MUC5AC: variants seen among roughly 807,000 people sequenced by gnomAD.
The protein encoded by MUC5AC is mucin 5AC, oligomeric mucus/gel-forming.
MUC5AC carries 158 observed loss-of-function variants against 169.7 expected under a neutral mutation model. The ratio of observed to expected loss-of-function variants is 0.93; its 90% CI spans 0.82 to 1.06. The LOEUF (loss-of-function observed/expected upper bound fraction) is 1.06. MUC5AC is among the 50% of genes least tolerant of loss of function. The pLI, the probability that MUC5AC is intolerant of heterozygous loss-of-function variation, is 0.00. For missense variants in MUC5AC, 4,359 were observed against 3,089.9 expected (o/e 1.41, Z -9.74); for synonymous variants, 1,975 against 1,237.0 (o/e 1.60, Z -12.52).
At position 1,190,918 on chromosome 11, in the gene MUC5AC, G is replaced by T; in HGVS notation, c.12773G>T (p.Ser4258Ile). 1.4e-6 allele frequency: 1 copy of T among 733,084 alleles called. No homozygotes were observed. The highest frequency in any genetic ancestry group is 2.5e-6 in the Non-Finnish European group (1 of 404,312). The allele number at this position is 733,084 out of a possible 1,614,324, so 45.4% of individuals were successfully genotyped here. The change falls in exon 31 of 49, where the codon AGC becomes ATC. Residue 4258 changes from serine to isoleucine, a missense_variant. Ser to Ile is a moderately radical substitution (Grantham distance 142, BLOSUM62 -2). Coordinates refer to ENST00000621226, the MANE Select transcript of MUC5AC (RefSeq NM_001304359.2). ...STTSGPGTTP[S>I]PVPSTSTTSA... ...ACCTCTGGTCCTGGAACTACTCCAA[G>T]CCCTGTTCCCAGCACCAGTACAACC...
chr11:1,189,644 A>G lies in MUC5AC; in HGVS notation c.11499A>G (p.Ser3833=), dbSNP rs1386381161. ...TTSSPTTSTT[S]APTTSTTSAP... is the part of the protein sequence containing the mutation. ...CTTCCCCTACAACTAGCACAACCTC[A>G]GCTCCTACAACCAGCACAACTTCTG... is the stretch of plus-strand genomic sequence containing the variant. Residue 3833 remains serine, a synonymous_variant, in exon 31 of 49, where the codon TCA becomes TCG. Coordinates refer to ENST00000621226, the MANE Select transcript of MUC5AC (RefSeq NM_001304359.2). The G allele has an allele frequency of 3.5e-6, 2 of 568,986 alleles. No individual in the cohort carries two copies. The highest frequency in any genetic ancestry group is 6.1e-6 in the Non-Finnish European group (2 of 327,982). The allele number at this position is 568,986 out of a possible 1,614,324, so 35.2% of individuals were successfully genotyped here.
rs1321706678 is a variant in MUC5AC at position 1,180,164 on chromosome 11, G to A, written c.3613+14G>A. ...GGGGCCTGGAAGGTGGGCTGGGGCC[G>A]GTCGGAGGGTGGCCTGGGCTCCGCC... On this transcript the variant is annotated intron_variant, in intron 27 of 48. Coordinates refer to ENST00000621226, the MANE Select transcript of MUC5AC (RefSeq NM_001304359.2). The A allele has an allele frequency of 5.3e-5, 13 of 243,872 alleles. No individual in the cohort carries two copies. In the African/African-American group the frequency reaches 9.8e-4, roughly 18 times the overall value. 15.1% of individuals were successfully genotyped at this position (243,872 alleles called of 1,614,324 possible). A position where few individuals can be genotyped will look rare whatever the true frequency, so the allele number is the denominator to read the frequency against.
chr11:1,162,177 G>C lies in MUC5AC; in HGVS notation c.473+9G>C. On this transcript the variant is annotated intron_variant, in intron 4 of 48. Transcript: ENST00000621226. ...CTGGTCAACGGCCACCCGTGAGTCT[G>C]GGTTCTGGGATGGTGGGGGCCACGC... 1 of 1,607,636 alleles carries C rather than the reference G, an allele frequency of 6.2e-7. No individual in the cohort carries two copies. Among genetic ancestry groups the C allele is most frequent in the South Asian group, 1.1e-5 (1 of 90,962 alleles).
At chr11:1,193,436 C>T in intron 32 of MUC5AC, 49 bp from the exon 33 acceptor site, 1 of 679,566 alleles carries the variant, frequency 1.5e-6, no homozygotes, top group South Asian at 1.5e-5. Context: ...CAAGGGGTGC[C>T]CCGGAGATCG....
At chr11:1,160,074 C>A (rs1453987434) in intron 1 of MUC5AC, among the ~76,000 whole-genome samples, 1 of 151,958 alleles carries the variant, frequency 6.6e-6, no homozygotes, top group African/African-American at 2.4e-5. Flanking sequence ...CTGTGCAGGG[C>A]TGTGCGGGGC....
At position 1,185,503 on chromosome 11, in the gene MUC5AC, G is replaced by A; in HGVS notation, c.7358G>A (p.Ser2453Asn). The change falls in exon 31 of 49, where the codon AGC becomes AAC. Residue 2453 changes from serine (S) to asparagine (N), a missense_variant. Transcript: ENST00000621226. ...STTSGPGTTPSPVPTTSTTSA... is the reference protein window; with the variant it reads ...STTSGPGTTPNPVPTTSTTSA... ...ACTTCTGGTCCTGGAACTACCCCAA[G>A]CCCTGTTCCCACGACCAGCACAACC... 2.8e-6 allele frequency: 2 copies of A among 721,506 alleles called. No individual in the cohort carries two copies. The highest frequency in any genetic ancestry group is 1.4e-5 in the South Asian group (1 of 69,432). 44.7% of individuals were successfully genotyped at this position (721,506 alleles called of 1,614,324 possible).
At position 1,167,884 on chromosome 11, in the gene MUC5AC, A is replaced by T; in HGVS notation, c.1394A>T (p.Asp465Val). Residue 465 changes from aspartate (D) to valine (V), a missense_variant, in exon 12 of 49, where the codon GAC (aspartate) becomes GTC (valine). Asp to Val is a radical substitution (Grantham distance 152, BLOSUM62 -3). Coordinates refer to ENST00000621226, the MANE Select transcript of MUC5AC (RefSeq NM_001304359.2). ...GTGTGTCGTGTTCCGCAGCCCTGTG[A>T]CAGCAGTGCCTTCACTGTACTGGCT... Reference protein sequence around the residue: ...DCSYVLTKPCDSSAFTVLAEL... With the variant: ...DCSYVLTKPCVSSAFTVLAEL... 1 of 1,550,258 alleles carries T rather than the reference A, an allele frequency of 6.5e-7. No homozygotes were observed. The highest frequency in any genetic ancestry group is 8.7e-7 in the Non-Finnish European group (1 of 1,146,934).
intron 19 of MUC5AC, 49 bp downstream of exon 19, chr11:1,175,319 TA>T (rs1228407826): frequency 4.8e-5 from 19 of 398,544 alleles, no homozygotes; most frequent in African/African-American, 3.7e-4. Flanking sequence ...CTCATCTCTA[TA>T]AGAAATCCTG....
Position 1,192,804 on chromosome 11 carries a change from G to A in MUC5AC, c.14402G>A (p.Arg4801Lys), listed in dbSNP as rs754853162. Residue 4801 changes from arginine to lysine, a missense_variant, in exon 32 of 49, where the codon AGA (arginine) becomes AAA (lysine). Physicochemically the swap from Arg to Lys is conservative, Grantham distance 26 (BLOSUM62 2). Transcript: ENST00000621226. ...ACAGGATCCACCATATACCGCCACAGAGACCTCGCTGGCCATTGCTATTAT... is the reference window on the plus strand; with the variant it reads ...ACAGGATCCACCATATACCGCCACAAAGACCTCGCTGGCCATTGCTATTAT... ...YPAGSTIYRHRDLAGHCYYAL... is the reference protein window; with the variant it reads ...YPAGSTIYRHKDLAGHCYYAL... 2.6e-6 allele frequency: 2 copies of A among 761,836 alleles called. No homozygotes were observed. The highest frequency in any genetic ancestry group is 2.7e-5 in the South Asian group (2 of 74,558). The allele number at this position is 761,836 out of a possible 1,614,324, so 47.2% of individuals were successfully genotyped here.
chr11:1,193,723 T>C, intron 33 of MUC5AC, 64 bp downstream of exon 33: 1 of 744,624 alleles, frequency 1.3e-6, no homozygotes, highest in Non-Finnish European at 2.5e-6. Flanking sequence ...CAGGTGGAAA[T>C]GGGCGGGGCA....
At chr11:1,194,950 G>C (rs1186094321) in intron 35 of MUC5AC, 62 bp from the exon 36 acceptor site, 1 of 659,408 alleles carries the variant, frequency 1.5e-6, no homozygotes, top group East Asian at 2.7e-5. Flanking sequence ...CTGTCCCCCA[G>C]CTGGGGGTGG....
intron 1 of MUC5AC, 47 bp downstream of exon 1, chr11:1,158,119 A>G: frequency 6.6e-7 from 1 of 1,516,462 alleles, no homozygotes; most frequent in Non-Finnish European, 8.9e-7. Flanking sequence ...GTGGTGCGGT[A>G]CTGAGTGGGC....
At chr11:1,158,280 C>T (rs1349876929) in intron 1 of MUC5AC, among the ~76,000 whole-genome samples, 2 of 152,224 alleles carry the variant, frequency 1.3e-5, no homozygotes, top group African/African-American at 2.4e-5. Context: ...TCGCGGACCT[C>T]TGAGGCTGGG....
rs1861103795 is a variant in MUC5AC at position 1,191,664 on chromosome 11, T to C, written c.13519T>C (p.Ser4507Pro). The change falls in exon 31 of 49, where the codon TCT (serine) becomes CCT (proline). Residue 4507 changes from serine to proline, a missense_variant. Transcript: ENST00000621226. Reference sequence around the variant, plus strand: ...CTCTGCCTCTACAGCCAGCACAACCTCTGGTCCTGGAACTACTCCCAGCCC... The same window carrying C: ...CTCTGCCTCTACAGCCAGCACAACCCCTGGTCCTGGAACTACTCCCAGCCC... ...TTSASTASTT[S>P]GPGTTPSPVP... is the part of the protein sequence containing the mutation. The C allele has an allele frequency of 3.3e-6, 2 of 600,278 alleles. No individual in the cohort carries two copies. The highest frequency in any genetic ancestry group is 5.7e-5 in the East Asian group (2 of 35,332). The allele number at this position is 600,278 out of a possible 1,614,324, so 37.2% of individuals were successfully genotyped here. A position where few individuals can be genotyped will look rare whatever the true frequency, so the allele number is the denominator to read the frequency against.
chr11:1,197,124 C>T (rs534153834), intron 40 of MUC5AC, among the ~76,000 whole-genome samples: 4 of 152,282 alleles, frequency 2.6e-5, no homozygotes, highest in East Asian at 1.9e-4. Context: ...GTATTGGGGA[C>T]GGTGCCGGGG....
At chr11:1,163,450 C>T (rs886319088) in intron 6 of MUC5AC, among the ~76,000 whole-genome samples, 4 of 152,236 alleles carry the variant, frequency 2.6e-5, no homozygotes, top group East Asian at 1.9e-4. Context: ...CATACAAGCC[C>T]CGAGTACAGG....
chr11:1,196,175 C>G, intron 37 of MUC5AC, 121 bp downstream of exon 37: 1 of 623,938 alleles, frequency 1.6e-6, no homozygotes, highest in Admixed American at 2.6e-5. Context: ...GGGGGCAGCC[C>G]CAGGGCAGAG....
chr11:1,177,093 C>T (rs1182763643), intron 22 of MUC5AC, 27 bp downstream of exon 22: 3 of 398,660 alleles, frequency 7.5e-6, no homozygotes, highest in East Asian at 3.6e-5. Context: ...GGGGTCCTCA[C>T]GGCGGCCCCC....
chr11:1,167,218 C>A (rs1860359930), intron 11 of MUC5AC, among the ~76,000 whole-genome samples: 1 of 146,660 alleles, frequency 6.8e-6, no homozygotes, highest in African/African-American at 2.6e-5. Flanking sequence ...AACACACAGT[C>A]TCCCCAAGAT....
Sources: allele counts gnomAD v4.1 joint callset (sites outside exome capture counted in the v4.1 genomes callset), GRCh38; gene constraint gnomAD v4.1.1; transcripts MANE v1.5; gene names NCBI Gene and HGNC (gene_info 2026-07-23, HGNC 2026-07-21).